Variants in CIZ1 observed in about 807,000 individuals in gnomAD.
CIZ1 encodes CDKN1A interacting zinc finger protein 1.
CIZ1 carries 58 observed loss-of-function variants against 118.6 expected under a neutral mutation model. The observed-to-expected ratio is 0.49, with a 90% CI of 0.40 to 0.61. The LOEUF (loss-of-function observed/expected upper bound fraction) is 0.61, where lower values mean the gene tolerates loss of function less well. Among genes scored for constraint, CIZ1 ranks in the 20% least tolerant of loss-of-function variants. The pLI is 0.00. For synonymous variants in CIZ1, 448 were observed against 443.4 expected (o/e 1.01, Z -0.13); for missense variants, 921 against 1,115.9 (o/e 0.83, Z 2.49).
At chr9:128,183,907 C>T (rs1832016234) in intron 5 of CIZ1, among the ~76,000 whole-genome samples, 1 of 151,860 alleles carries the variant, frequency 6.6e-6, no homozygotes, top group Admixed American at 6.6e-5. Flanking sequence ...GCTGGAATTA[C>T]AGGCACCCGC....
At chr9:128,179,800 G>T (rs1280259887) in intron 7 of CIZ1, among the ~76,000 whole-genome samples, 2 of 152,110 alleles carry the variant, frequency 1.3e-5, no homozygotes, top group Non-Finnish European at 2.9e-5. Context: ...AGCCTCCGGA[G>T]TAGCTGGGAT....
At chr9:128,175,477 C>T (rs1308533174) in intron 11 of CIZ1, among the ~76,000 whole-genome samples, 1 of 152,146 alleles carries the variant, frequency 6.6e-6, no homozygotes, top group African/African-American at 2.4e-5. Context: ...CCCTGTCACA[C>T]AAGGCAGGCA....
chr9:128,175,972 G>A (rs1830793430), intron 11 of CIZ1, among the ~76,000 whole-genome samples: 1 of 152,118 alleles, frequency 6.6e-6, no homozygotes. Context: ...ATGAAAGGGG[G>A]AGACACAGGG....
At chr9:128,175,446 T>A (rs1454305378) in intron 11 of CIZ1, among the ~76,000 whole-genome samples, 2 of 152,172 alleles carry the variant, frequency 1.3e-5, no homozygotes, top group African/African-American at 4.8e-5. Context: ...AGACACAGCC[T>A]GCCCTTGCAG....
intron 9 of CIZ1, among the ~76,000 whole-genome samples, chr9:128,178,167 C>G (rs1003715938): frequency 6.6e-6 from 1 of 152,158 alleles, no homozygotes; most frequent in Non-Finnish European, 1.5e-5. Context: ...GATGTGAAGA[C>G]AGCACAACAG....
intron 4 of CIZ1, among the ~76,000 whole-genome samples, chr9:128,187,098 C>A (rs1832477271): frequency 6.6e-6 from 1 of 152,118 alleles, no homozygotes; most frequent in Non-Finnish European, 1.5e-5. Flanking sequence ...CGCCACCACA[C>A]CTGGCTAATT....
At position 128,169,009 on chromosome 9, in the gene CIZ1, G is replaced by C. The variant is rs201731747; in HGVS notation, c.2295+43C>G. On this transcript the variant is annotated intron_variant, in intron 14 of 16. Transcript: ENST00000372938. Reference sequence around the variant, plus strand: ...TGGGATGAGGTCTGTCCTGGGCTGGGAATCCAGCACCAAGCCCGCCTCCCA... The same window carrying C: ...TGGGATGAGGTCTGTCCTGGGCTGGCAATCCAGCACCAAGCCCGCCTCCCA... 646 of 1,612,234 alleles carry C rather than the reference G, an allele frequency of 4.0e-4. 1 individual carries two copies. The highest frequency in any genetic ancestry group is 4.6e-4 in the Non-Finnish European group (544 of 1,179,122).
At chr9:128,171,826 C>T (rs1472704769) in intron 11 of CIZ1, among the ~76,000 whole-genome samples, 1 of 151,842 alleles carries the variant, frequency 6.6e-6, no homozygotes, top group African/African-American at 2.4e-5. Context: ...ATCATTGCAA[C>T]ATATAACATC....
chr9:128,173,889 C>T (rs45463296), intron 11 of CIZ1, among the ~76,000 whole-genome samples: 4 of 151,976 alleles, frequency 2.6e-5, no homozygotes, highest in African/African-American at 7.3e-5. Context: ...GCCTGTAGTC[C>T]CAGCTACTCG....
Position 128,191,236 on chromosome 9 carries a change from GC to G in CIZ1, c.-6+195del. 3.9e-6 allele frequency: 1 copy of G among 256,296 alleles called. No homozygotes were observed. Among genetic ancestry groups the G allele is most frequent in the Non-Finnish European group, 7.4e-6 (1 of 134,414 alleles). 15.9% of individuals were successfully genotyped at this position (256,296 alleles called of 1,614,324 possible). ...TTTTCAATACCGCAACCCTCTCTGG[GC>G]CCCCGGGTGTCAATAACATCGGCAC... On this transcript the variant is annotated intron_variant, in intron 1 of 16. Transcript: ENST00000372938. This position sits in a 1 kb window ranked among gnomAD's most constrained non-coding sequence, Gnocchi z 5.5.
chr9:128,167,047 G>A lies in CIZ1; in HGVS notation c.2365+48C>T, dbSNP rs200887788. 316 of 1,578,112 alleles carry A rather than the reference G, an allele frequency of 2.0e-4. 2 individuals are homozygous for A. The African/African-American group carries it at 3.3e-3, about 17-fold the overall frequency. Reference sequence around the variant, plus strand: ...TATGGGAGGGTCATGTGGAGGCTGGGCCCAAGGGCTGAAGCTCCTGCAGGT... The same window carrying A: ...TATGGGAGGGTCATGTGGAGGCTGGACCCAAGGGCTGAAGCTCCTGCAGGT... On this transcript the variant is annotated intron_variant, in intron 15 of 16. Coordinates refer to ENST00000372938, the MANE Select transcript of CIZ1 (RefSeq NM_001131016.2).
At chr9:128,182,135 G>A (rs1416714912) in intron 5 of CIZ1, among the ~76,000 whole-genome samples, 1 of 152,156 alleles carries the variant, frequency 6.6e-6, no homozygotes, top group Non-Finnish European at 1.5e-5. Flanking sequence ...TATCATTGGA[G>A]GTGACTCACA....
rs56177059 is a variant in CIZ1 at position 128,189,824 on chromosome 9, C to CAAAAAAA, written c.286+498_286+504dup. 5.7e-4 allele frequency among the ~76,000 whole-genome samples: 24 copies of CAAAAAAA among 42,276 alleles called. 1 individual carries two copies. The highest frequency in any genetic ancestry group is 0.021 in the Middle Eastern group (1 of 48). The allele number at this position is 42,276 out of a possible 152,430, so 27.7% of individuals were successfully genotyped here. On this transcript the variant is annotated intron_variant, in intron 3 of 16. Coordinates refer to ENST00000372938, the MANE Select transcript of CIZ1 (RefSeq NM_001131016.2). ...TGGGCGACAGAGCAAAACTCTGTCT[C>CAAAAAAA]AAAAAAAAAAAAAAAAAAAAAAAAA...
At chr9:128,180,167 C>T (rs1564276152) in intron 7 of CIZ1, among the ~76,000 whole-genome samples, 1 of 152,172 alleles carries the variant, frequency 6.6e-6, no homozygotes, top group Non-Finnish European at 1.5e-5. Context: ...GTCTTCACCC[C>T]TCCCACGCAG....
chr9:128,191,015 C>T lies in CIZ1; in HGVS notation c.-5-153G>A, dbSNP rs947219586. ...CCAGTCCTGCCAAGAGCCTGCCACACTCGCTTGGCCCATCCTTCCAAGTTA... is the reference window on the plus strand; with the variant it reads ...CCAGTCCTGCCAAGAGCCTGCCACATTCGCTTGGCCCATCCTTCCAAGTTA... On this transcript the variant is annotated intron_variant, in intron 1 of 16. Transcript: ENST00000372938. This position sits in a 1 kb window ranked among gnomAD's most constrained non-coding sequence, Gnocchi z 5.5. 1.3e-5 allele frequency among the ~76,000 whole-genome samples: 2 copies of T among 152,098 alleles called. No individual in the cohort carries two copies. The highest frequency in any genetic ancestry group is 1.3e-4 in the Admixed American group (2 of 15,260).
At chr9:128,202,498 C>T (rs1291649855) in intron 1 of CIZ1, among the ~76,000 whole-genome samples, 2 of 152,104 alleles carry the variant, frequency 1.3e-5, no homozygotes, top group African/African-American at 2.4e-5. Context: ...CCAACTCTCC[C>T]AAGAAGGGCC....
chr9:128,192,482 C>G (rs570530883), upstream of CIZ1, among the ~76,000 whole-genome samples: 5 of 151,866 alleles, frequency 3.3e-5, no homozygotes, highest in African/African-American at 9.7e-5. Flanking sequence ...ACCGCTGTAT[C>G]CCCCCATCCC....
upstream of CIZ1, chr9:128,196,697 G>GGGTTCAA (rs1833384821): frequency 6.6e-6 from 1 of 152,144 alleles, no homozygotes. Context: ...TCCACCTCCC[G>GGGTTCAA]GGTTCAAGCA....
chr9:128,199,016 T>C (rs45600932), intron 1 of CIZ1, among the ~76,000 whole-genome samples: 263 of 152,114 alleles, frequency 1.7e-3, no homozygotes, highest in African/African-American at 6.2e-3. Context: ...ACCTCAGACA[T>C]GTTCTTTACT....
Sources: allele counts gnomAD v4.1 joint callset (sites outside exome capture counted in the v4.1 genomes callset), GRCh38; gene constraint gnomAD v4.1.1; non-coding constraint Gnocchi (gnomAD v3.1); transcripts MANE v1.5; gene names NCBI Gene and HGNC (gene_info 2026-07-23, HGNC 2026-07-21).